Variants in CLNK observed in about 807,000 individuals in gnomAD.
The protein encoded by CLNK is cytokine-dependent hematopoietic cell linker.
Under a neutral mutation model 68.6 loss-of-function variants are expected in CLNK, and 74 were observed. The observed-to-expected ratio is 1.08, with a 90% confidence interval of 0.89 to 1.31. The LOEUF is 1.31. Ranked by LOEUF, CLNK falls within the 50% of genes most tolerant of loss-of-function variation. The pLI is 0.00. For synonymous variants in CLNK, 198 were observed against 172.2 expected (o/e 1.15, Z -1.17); for missense variants, 553 against 515.3 (o/e 1.07, Z -0.71).
At chr4:10,606,302 C>A (rs1485592911) in intron 2 of CLNK, among the ~76,000 whole-genome samples, 1 of 152,164 alleles carries the variant, frequency 6.6e-6, no homozygotes, top group African/African-American at 2.4e-5. Flanking sequence ...ACCTGCCGCC[C>A]CAACACCTTG....
At chr4:10,625,977 T>G (rs1158883935) in intron 2 of CLNK, among the ~76,000 whole-genome samples, 1 of 152,256 alleles carries the variant, frequency 6.6e-6, no homozygotes, top group Admixed American at 6.5e-5. Flanking sequence ...TAATTTAACC[T>G]TCACAGAAAC....
chr4:10,578,781 AG>A (rs1027552594), intron 4 of CLNK, among the ~76,000 whole-genome samples: 5 of 151,868 alleles, frequency 3.3e-5, no homozygotes, highest in Non-Finnish European at 7.4e-5. Context: ...CATGTTGGCC[AG>A]GCTGGTCTTG....
intron 2 of CLNK, among the ~76,000 whole-genome samples, chr4:10,613,087 G>A (rs1040944927): frequency 1.3e-5 from 2 of 152,068 alleles, no homozygotes; most frequent in Non-Finnish European, 2.9e-5. Context: ...TAAAGAAGAT[G>A]GCTAATTCCT....
chr4:10,600,002 C>G (rs892328629), intron 2 of CLNK, among the ~76,000 whole-genome samples: 8 of 152,190 alleles, frequency 5.3e-5, no homozygotes, highest in African/African-American at 1.9e-4. Flanking sequence ...GTTCTCTATT[C>G]CTGCAAGATA....
At position 10,661,939 on chromosome 4, in the gene CLNK, C is replaced by T. The variant is rs146589598; in HGVS notation, c.11+5920G>A. Among the ~76,000 whole-genome samples the T allele has an allele frequency of 2.1e-3, 327 of 152,242 alleles. 1 individual carries two copies. Among genetic ancestry groups the T allele is most frequent in the African/African-American group, 6.8e-3 (282 of 41,534 alleles). The stretch of plus-strand genomic sequence containing the variant: ...TGGAAGGTAGAATTCTATACCTCTA[C>T]GAATCTCTCCACCTCTAAATATCTA... On this transcript the variant is annotated intron_variant, in intron 2 of 18. Coordinates refer to ENST00000226951, the MANE Select transcript of CLNK (RefSeq NM_052964.4).
At chr4:10,525,748 G>T in intron 14 of CLNK, 93 bp downstream of exon 14, 1 of 709,000 alleles carries the variant, frequency 1.4e-6, no homozygotes, top group Non-Finnish European at 2.3e-6. Flanking sequence ...AAAGACTTTC[G>T]TTTCTCAGAA....
intron 6 of CLNK, 94 bp downstream of exon 6, chr4:10,565,906 TTAACCTAGG>T (rs1720089372): frequency 1.6e-6 from 2 of 1,287,536 alleles, no homozygotes; most frequent in East Asian, 5.1e-5. Flanking sequence ...GGGGCAGACG[TTAACCTAGG>T]GTTGTTTAAT....
chr4:10,733,761 A>G, the CLNK span, among the ~76,000 whole-genome samples: 2 of 152,158 alleles, frequency 1.3e-5, no homozygotes, highest in Admixed American at 6.5e-5. Context: ...TGCTTTTATC[A>G]CTTTTCATAG....
chr4:10,598,952 G>A (rs1474958613), intron 2 of CLNK, among the ~76,000 whole-genome samples: 3 of 152,150 alleles, frequency 2.0e-5, no homozygotes, highest in Non-Finnish European at 4.4e-5. Context: ...TTCAGGTACC[G>A]TTCCCTCTTT....
the CLNK span, among the ~76,000 whole-genome samples, chr4:10,704,933 G>A: frequency 2.0e-5 from 3 of 152,174 alleles, no homozygotes; most frequent in African/African-American, 7.2e-5. Flanking sequence ...TCCTAAATGT[G>A]TCCAGTGGTA....
chr4:10,503,766 TAG>T, intron 17 of CLNK, among the ~76,000 whole-genome samples: 1 of 144,070 alleles, frequency 6.9e-6, no homozygotes, highest in Non-Finnish European at 1.5e-5. Context: ...TTGTTTCATT[TAG>T]AGACTTTTTT....
At chr4:10,558,544 A>G in intron 7 of CLNK, 92 bp from the exon 8 acceptor site, 1 of 1,238,734 alleles carries the variant, frequency 8.1e-7, no homozygotes. Context: ...GTTCCCAAGG[A>G]TAAAGCCGTA....
chr4:10,690,191 TG>T, the CLNK span, among the ~76,000 whole-genome samples: 1 of 152,130 alleles, frequency 6.6e-6, no homozygotes, highest in African/African-American at 2.4e-5. Flanking sequence ...GGAACTATGT[TG>T]GGGTGGGAGT....
chr4:10,663,639 T>G (rs1422771488), intron 2 of CLNK, among the ~76,000 whole-genome samples: 1 of 152,208 alleles, frequency 6.6e-6, no homozygotes, highest in Non-Finnish European at 1.5e-5. Context: ...CACATACACA[T>G]GTACATATAC....
chr4:10,596,171 A>G (rs567000417), intron 3 of CLNK, among the ~76,000 whole-genome samples: 1 of 152,158 alleles, frequency 6.6e-6, no homozygotes, highest in Non-Finnish European at 1.5e-5. Context: ...GATTACAGGC[A>G]TGCACCACCA....
At chr4:10,691,816 AAG>A in the CLNK span, among the ~76,000 whole-genome samples, 3 of 152,314 alleles carry the variant, frequency 2.0e-5, no homozygotes, top group East Asian at 5.8e-4. Context: ...CAGATTAGGA[AAG>A]AAAAAAACAG....
At chr4:10,642,882 T>C (rs1308704680) in intron 2 of CLNK, among the ~76,000 whole-genome samples, 1 of 152,194 alleles carries the variant, frequency 6.6e-6, no homozygotes, top group Admixed American at 6.5e-5. Flanking sequence ...ATTTCAAATG[T>C]TAAATGCTTC....
At chr4:10,703,682 G>A in the CLNK span, among the ~76,000 whole-genome samples, 1 of 152,200 alleles carries the variant, frequency 6.6e-6, no homozygotes, top group East Asian at 1.9e-4. Flanking sequence ...TACAAACCTA[G>A]TTGGTATAGC....
chr4:10,622,817 C>T (rs1477672264), intron 2 of CLNK, among the ~76,000 whole-genome samples: 2 of 152,096 alleles, frequency 1.3e-5, no homozygotes, highest in Non-Finnish European at 2.9e-5. Flanking sequence ...GGCTGGAAGT[C>T]CAAGATCAGG....
Sources: allele counts gnomAD v4.1 joint callset (sites outside exome capture counted in the v4.1 genomes callset), GRCh38; gene constraint gnomAD v4.1.1; transcripts MANE v1.5; gene names NCBI Gene and HGNC (gene_info 2026-07-23, HGNC 2026-07-21).